Variants in XYLB observed in about 807,000 individuals in gnomAD.
XYLB encodes the protein xylulose kinase.
XYLB carries 62 observed loss-of-function variants against 78.7 expected under a neutral mutation model. The observed-to-expected ratio is 0.79, with a 90% CI of 0.64 to 0.97. XYLB has a LOEUF of 0.97. Ranked by LOEUF, XYLB falls within the 50% of genes least tolerant of loss-of-function variation. The pLI, the probability that XYLB is intolerant of heterozygous loss-of-function variation, is 0.00. For missense variants in XYLB, 687 were observed against 676.8 expected (o/e 1.02, Z -0.17); for synonymous variants, 245 against 247.4 (o/e 0.99, Z 0.09).
At position 38,365,637 on chromosome 3, in the gene XYLB, G is replaced by A. The variant is rs543454327; in HGVS notation, c.408G>A (p.Val136=). Residue 136 remains valine (V), a synonymous_variant, in exon 6 of 19, where the codon GTG becomes GTA. Transcript: ENST00000207870. ...GTTTCTCCATCAGCGACTGCCCGGT[G>A]TGGATGGACTCCAGCACCACAGCCC... The part of the protein sequence containing the change: ...QDCFSISDCP[V]WMDSSTTAQC... 284 of 1,613,914 alleles carry A rather than the reference G, an allele frequency of 1.8e-4. 2 individuals are homozygous for A. The South Asian group carries it at 2.7e-3, about 15-fold the overall frequency.
chr3:38,395,694 C>T, intron 16 of XYLB, 131 bp downstream of exon 16: 1 of 917,050 alleles, frequency 1.1e-6, no homozygotes, highest in Non-Finnish European at 1.7e-6. Context: ...GCTCACACTC[C>T]AGGAAGCAGC....
chr3:38,428,368 C>T, the XYLB span, among the ~76,000 whole-genome samples: 2 of 152,176 alleles, frequency 1.3e-5, no homozygotes, highest in East Asian at 3.8e-4. Context: ...TCTTTTATGT[C>T]TTAACCAATT....
chr3:38,440,283 C>T, the XYLB span, among the ~76,000 whole-genome samples: 2 of 152,180 alleles, frequency 1.3e-5, no homozygotes, highest in African/African-American at 2.4e-5. Flanking sequence ...TTATTCTTTG[C>T]TATTAATAAG....
intron 18 of XYLB, among the ~76,000 whole-genome samples, chr3:38,408,746 T>TAC (rs1375826513): frequency 3.3e-5 from 5 of 151,388 alleles, no homozygotes; most frequent in Non-Finnish European, 4.4e-5. Context: ...CATCAGAGAA[T>TAC]ACTGCAAACA....
At chr3:38,370,264 ACACT>A (rs1325650559) in intron 9 of XYLB, 90 bp downstream of exon 9, 7 of 881,494 alleles carry the variant, frequency 7.9e-6, no homozygotes, top group Non-Finnish European at 1.3e-5. Context: ...ACACACACAC[ACACT>A]CTGCACACAC....
At chr3:38,399,592 C>T (rs1708039281) in intron 17 of XYLB, among the ~76,000 whole-genome samples, 1 of 152,190 alleles carries the variant, frequency 6.6e-6, no homozygotes, top group Admixed American at 6.5e-5. Flanking sequence ...GATACTCTTC[C>T]ATAATCTTCT....
chr3:38,375,250 C>T lies in XYLB; in HGVS notation c.995C>T (p.Ala332Val). Residue 332 changes from alanine (A) to valine (V), a missense_variant, in exon 12 of 19, where the codon GCA becomes GTA. Coordinates refer to ENST00000207870, the MANE Select transcript of XYLB (RefSeq NM_005108.4). Reference sequence around the variant, plus strand: ...CCGGTTGACTCCCAGCACTACATGGCACTCCTGTGGTGAGCTTGGGTGTTG... The same window carrying T: ...CCGGTTGACTCCCAGCACTACATGGTACTCCTGTGGTGAGCTTGGGTGTTG... ...CNPVDSQHYM[A>V]LLCFKNGSLM... 1 of 1,614,040 alleles carries T rather than the reference C, an allele frequency of 6.2e-7. No individual in the cohort carries two copies.
chr3:38,437,001 CTAAAAATAATAA>C, the XYLB span, among the ~76,000 whole-genome samples: 2 of 66,080 alleles, frequency 3.0e-5, no homozygotes, highest in African/African-American at 1.1e-4. Flanking sequence ...GAGACTCCTT[CTAAAAATAATAA>C]TAATAATAAT....
the XYLB span, among the ~76,000 whole-genome samples, chr3:38,437,041 T>TAATAATAAC: frequency 7.0e-6 from 1 of 143,030 alleles, no homozygotes; most frequent in Non-Finnish European, 1.5e-5. Flanking sequence ...ATAATAATAA[T>TAATAATAAC]AATAACAAAA....
chr3:38,358,430 C>T (rs113413296), intron 2 of XYLB, among the ~76,000 whole-genome samples: 4,265 of 147,164 alleles, frequency 0.029, 111 homozygotes, highest in Middle Eastern at 0.06. Context: ...TTGCATCCTC[C>T]GCCTCCTGGG....
At chr3:38,379,731 C>T (rs1707055514) in intron 15 of XYLB, among the ~76,000 whole-genome samples, 1 of 152,144 alleles carries the variant, frequency 6.6e-6, no homozygotes, top group Admixed American at 6.5e-5. Flanking sequence ...CTAGCCTGGC[C>T]AGGTCCCATT....
At chr3:38,394,085 G>A (rs965671925) in intron 15 of XYLB, among the ~76,000 whole-genome samples, 5 of 151,982 alleles carry the variant, frequency 3.3e-5, no homozygotes, top group South Asian at 4.1e-4. Context: ...TTTTTATTTA[G>A]GTTGAATAGG....
chr3:38,436,989 G>C, the XYLB span, among the ~76,000 whole-genome samples: 2 of 144,014 alleles, frequency 1.4e-5, no homozygotes, highest in African/African-American at 5.1e-5. Flanking sequence ...GGGCGACAGA[G>C]TGAGACTCCT....
intron 16 of XYLB, 73 bp downstream of exon 16, chr3:38,395,636 A>G: frequency 2.7e-6 from 4 of 1,495,058 alleles, no homozygotes; most frequent in Non-Finnish European, 3.7e-6. Context: ...GAGACTGGAT[A>G]GGAAGGACAG....
chr3:38,419,595 T>TAC (rs1653455949), downstream of XYLB, among the ~76,000 whole-genome samples: 2 of 121,566 alleles, frequency 1.6e-5, no homozygotes, highest in African/African-American at 2.8e-5. Context: ...TATATATATA[T>TAC]ATATATATAA....
In XYLB at chr3:38,414,540, A is replaced by G. The variant is rs1201888735; in HGVS notation, c.*1527A>G. The G allele has an allele frequency of 1.3e-5, 2 of 152,224 alleles. No homozygotes were observed. The highest frequency in any genetic ancestry group is 2.9e-5 in the Non-Finnish European group (2 of 68,042). 9.4% of individuals were successfully genotyped at this position (152,224 alleles called of 1,614,324 possible). A position where few individuals can be genotyped will look rare whatever the true frequency, so the allele number is the denominator to read the frequency against. On this transcript the variant is annotated 3_prime_UTR_variant, in exon 19 of 19. Coordinates refer to ENST00000207870, the MANE Select transcript of XYLB (RefSeq NM_005108.4). ...AACTGTAACTAAACACTTCAACATG[A>G]ATTTGAAAATAAATAATTGTGGATA...
chr3:38,445,141 G>A, the XYLB span, among the ~76,000 whole-genome samples: 1 of 152,104 alleles, frequency 6.6e-6, no homozygotes, highest in Non-Finnish European at 1.5e-5. Flanking sequence ...TGGAGTGGAG[G>A]GCCATACCCT....
intron 18 of XYLB, among the ~76,000 whole-genome samples, chr3:38,404,819 C>G (rs1708247504): frequency 6.6e-6 from 1 of 151,998 alleles, no homozygotes; most frequent in Non-Finnish European, 1.5e-5. Context: ...AGAGTGAGAC[C>G]CTGTCTCAAA....
chr3:38,370,666 A>G (rs1706507111), intron 9 of XYLB, among the ~76,000 whole-genome samples: 1 of 152,222 alleles, frequency 6.6e-6, no homozygotes, highest in Non-Finnish European at 1.5e-5. Context: ...AACAAGGGGA[A>G]TGATGCTATT....
Sources: gnomAD v4.1 joint callset for allele counts (sites outside exome capture counted in the v4.1 genomes callset) on GRCh38, gnomAD v4.1.1 for gene constraint, MANE v1.5 for transcripts, NCBI Gene and HGNC (gene_info 2026-07-23, HGNC 2026-07-21) for gene names.